Variants in SPTLC1 observed in about 807,000 individuals in gnomAD.
SPTLC1 encodes the protein serine palmitoyltransferase 1.
In SPTLC1, 55 loss-of-function variants were observed where a neutral mutation model predicts 68.9. That is an observed-to-expected ratio of 0.80 (90% confidence interval 0.64 to 1.00). The LOEUF (loss-of-function observed/expected upper bound fraction) is 1.00. Among genes scored for constraint, SPTLC1 ranks in the 50% least tolerant of loss-of-function variants. SPTLC1 has a pLI of 0.00. For missense variants in SPTLC1, 449 were observed against 573.1 expected (o/e 0.78, Z 2.21); for synonymous variants, 197 against 201.6 (o/e 0.98, Z 0.19).
At chr9:92,100,028 G>A (rs561048390) in intron 3 of SPTLC1, among the ~76,000 whole-genome samples, 55 of 151,342 alleles carry the variant, frequency 3.6e-4, no homozygotes, top group Non-Finnish European at 6.5e-4. Flanking sequence ...ACGTATCTAC[G>A]TCATTAAGTG....
At chr9:92,059,934 G>A (rs2118540034) in intron 6 of SPTLC1, among the ~76,000 whole-genome samples, 1 of 152,272 alleles carries the variant, frequency 6.6e-6, no homozygotes, top group Non-Finnish European at 1.5e-5. Context: ...TTGGTAACAA[G>A]TGGACCCCCT....
chr9:92,071,362 C>T (rs182586570), intron 5 of SPTLC1, among the ~76,000 whole-genome samples: 16 of 152,210 alleles, frequency 1.1e-4, no homozygotes, highest in Admixed American at 7.2e-4. Context: ...ATCACGCCAT[C>T]GCACTCCAGC....
At chr9:92,114,597 T>C (rs1157611401) in intron 1 of SPTLC1, among the ~76,000 whole-genome samples, 1 of 151,972 alleles carries the variant, frequency 6.6e-6, no homozygotes, top group Non-Finnish European at 1.5e-5. Context: ...TGGCCGGGCA[T>C]GGTGGCACAT....
rs563795514 is a variant in SPTLC1, at chr9:92,078,271, C to CA, written c.427+1744dup. On this transcript the variant is annotated intron_variant, in intron 5 of 14. Coordinates refer to ENST00000262554, the MANE Select transcript of SPTLC1 (RefSeq NM_006415.4). ...GTCACAGAAAGCTTTCATCAGATTA[C>CA]AATCAACAACCCCATAAAATGTGCC... 3.3e-5 allele frequency among the ~76,000 whole-genome samples: 5 copies of CA among 152,300 alleles called. No individual in the cohort carries two copies. The South Asian group carries it at 8.3e-4, about 25-fold the overall frequency.
chr9:92,102,370 A>G (rs1835785987), intron 3 of SPTLC1, among the ~76,000 whole-genome samples: 2 of 152,266 alleles, frequency 1.3e-5, no homozygotes, highest in African/African-American at 4.8e-5. Context: ...ATTCAAACTG[A>G]GAATTCTACA....
At chr9:92,111,328 C>T (rs1322051604) in intron 2 of SPTLC1, 5 of 152,196 alleles carry the variant, frequency 3.3e-5, no homozygotes, top group Admixed American at 3.3e-4. Context: ...AGGATCCCTT[C>T]CCTTACTTAT....
intron 5 of SPTLC1, among the ~76,000 whole-genome samples, chr9:92,069,127 G>T (rs1020371514): frequency 3.3e-5 from 5 of 152,152 alleles, no homozygotes; most frequent in Admixed American, 6.5e-5. Context: ...AGTGAGCCGT[G>T]ATGTGTCTAC....
chr9:92,111,645 C>T (rs1356462373), intron 2 of SPTLC1: 1 of 152,150 alleles, frequency 6.6e-6, no homozygotes, highest in African/African-American at 2.4e-5. Context: ...ATAGTTATAA[C>T]AAGCTCTATT....
At chr9:92,047,382 G>T in intron 10 of SPTLC1, 114 bp from the exon 11 acceptor site, 1 of 899,984 alleles carries the variant, frequency 1.1e-6, no homozygotes, top group Non-Finnish European at 1.8e-6. Flanking sequence ...GTGGTGAGGG[G>T]GGTAAGATCC....
chr9:92,041,882 T>C (rs890783891), intron 12 of SPTLC1, among the ~76,000 whole-genome samples: 13 of 152,012 alleles, frequency 8.6e-5, no homozygotes, highest in Non-Finnish European at 1.5e-5. Context: ...GTAAAAAAAA[T>C]GGATAAAGTT....
rs1186454867 is a variant in SPTLC1 at position 92,080,810 on chromosome 9, A to T, written c.354+60T>A. ...CACGCCCAGCCTGCCTTTGTCTTTT[A>T]TGTCTAGTTTCTTAAATCAGTAATG... is the stretch of plus-strand genomic sequence containing the variant. On this transcript the variant is annotated intron_variant, in intron 4 of 14. Transcript: ENST00000262554. The T allele has an allele frequency of 5.8e-6, 8 of 1,386,814 alleles. No homozygotes were observed. The East Asian group carries it at 1.8e-4, about 32-fold the overall frequency. The allele number at this position is 1,386,814 out of a possible 1,614,324, so 85.9% of individuals were successfully genotyped here.
intron 13 of SPTLC1, among the ~76,000 whole-genome samples, chr9:92,036,336 A>C (rs916080457): frequency 6.6e-6 from 1 of 152,190 alleles, no homozygotes; most frequent in Non-Finnish European, 1.5e-5. Context: ...TCCTGTAAGC[A>C]TGGTATTTTA....
chr9:92,096,649 G>C (rs148524599), intron 3 of SPTLC1, among the ~76,000 whole-genome samples: 93 of 152,228 alleles, frequency 6.1e-4, no homozygotes, highest in African/African-American at 2.0e-3. Flanking sequence ...AAAAGATAAA[G>C]ATAGGCCTCT....
At chr9:92,074,017 G>A (rs1027587973) in intron 5 of SPTLC1, among the ~76,000 whole-genome samples, 1 of 152,084 alleles carries the variant, frequency 6.6e-6, no homozygotes, top group South Asian at 2.1e-4. Flanking sequence ...CACCAATCCT[G>A]GAGCTCCTGG....
intron 13 of SPTLC1, among the ~76,000 whole-genome samples, chr9:92,037,945 A>G (rs1720269623): frequency 6.6e-6 from 1 of 152,196 alleles, no homozygotes; most frequent in Admixed American, 6.5e-5. Context: ...GTTTTCTGCA[A>G]GGCTAATTTT....
chr9:92,036,330 G>GT (rs1475348898), intron 13 of SPTLC1, among the ~76,000 whole-genome samples: 2 of 152,186 alleles, frequency 1.3e-5, no homozygotes, highest in African/African-American at 4.8e-5. Flanking sequence ...GCTAATTCCT[G>GT]TAAGCATGGT....
At chr9:92,059,826 T>TA (rs1834024675) in intron 6 of SPTLC1, among the ~76,000 whole-genome samples, 1 of 152,100 alleles carries the variant, frequency 6.6e-6, no homozygotes, top group African/African-American at 2.4e-5. Context: ...GAAGGGAACT[T>TA]AGACTTTGAC....
At chr9:92,107,524 C>T (rs1380233949) in intron 3 of SPTLC1, among the ~76,000 whole-genome samples, 2 of 152,144 alleles carry the variant, frequency 1.3e-5, no homozygotes, top group African/African-American at 2.4e-5. Context: ...AGGCCGAGGC[C>T]GGCGGATCAC....
In SPTLC1 at chr9:92,038,244, T is replaced by C; in HGVS notation, c.1254+4A>G. The C allele has an allele frequency of 6.2e-7, 1 of 1,601,604 alleles. No homozygotes were observed. The highest frequency in any genetic ancestry group is 1.3e-5 in the African/African-American group (1 of 74,808). ...GGGGATGCCTCAAGTCAACGGATAC[T>C]TACTTGATCTACAATTTCCTGAAGC... On this transcript the variant is annotated splice_donor_region_variant and intron_variant, in intron 13 of 14. Transcript: ENST00000262554.
Sources: allele counts gnomAD v4.1 joint callset (sites outside exome capture counted in the v4.1 genomes callset), GRCh38; gene constraint gnomAD v4.1.1; transcripts MANE v1.5; gene names NCBI Gene and HGNC (gene_info 2026-07-23, HGNC 2026-07-21).